The following TENM2 variants were observed in gnomAD, a reference collection of about 807,000 sequenced individuals.
The protein encoded by TENM2 is teneurin transmembrane protein 2, also known as teneurin-2.
In TENM2, 52 loss-of-function variants were observed where a neutral mutation model predicts 245.2. The observed-to-expected ratio is 0.21, with a 90% CI of 0.17 to 0.27. TENM2 has a LOEUF of 0.27. Among genes scored for constraint, TENM2 ranks in the 10% least tolerant of loss-of-function variants. The pLI is 1.00. For missense variants in TENM2, 3,046 were observed against 3,666.8 expected (o/e 0.83, Z 4.37); for synonymous variants, 1,363 against 1,438.9 (o/e 0.95, Z 1.19).
chr5:167,005,921 T>C, the TENM2 span, among the ~76,000 whole-genome samples: 3 of 151,822 alleles, frequency 2.0e-5, no homozygotes, highest in Non-Finnish European at 4.4e-5. Flanking sequence ...CGGCCTCCTA[T>C]AGTGCTGGGA....
chr5:167,499,009 C>G (rs760983858), intron 2 of TENM2, among the ~76,000 whole-genome samples: 10 of 152,042 alleles, frequency 6.6e-5, no homozygotes, highest in Admixed American at 5.9e-4. Context: ...CCAAAATATG[C>G]CATAGCTACT....
chr5:167,002,238 C>A, the TENM2 span, among the ~76,000 whole-genome samples: 1 of 152,078 alleles, frequency 6.6e-6, no homozygotes, highest in Non-Finnish European at 1.5e-5. Flanking sequence ...ACTTGAAAAA[C>A]CATCTATAAA....
At chr5:167,972,500 A>G (rs1249185589) in intron 4 of TENM2, among the ~76,000 whole-genome samples, 1 of 152,194 alleles carries the variant, frequency 6.6e-6, no homozygotes, top group Non-Finnish European at 1.5e-5. Flanking sequence ...TTTTGCTATT[A>G]AAAACAAATC....
chr5:168,051,120 C>T (rs918527), intron 6 of TENM2, among the ~76,000 whole-genome samples: 48,802 of 152,022 alleles, frequency 0.32, 8,815 homozygotes, highest in African/African-American at 0.48. Context: ...CCAGGGAAAG[C>T]ATACAAGAGA....
intron 2 of TENM2, among the ~76,000 whole-genome samples, chr5:167,783,266 CCCA>C (rs1764330334): frequency 6.6e-6 from 1 of 151,326 alleles, no homozygotes. Flanking sequence ...CCGGGTTCAG[CCCA>C]CCTAGCAAGT....
intron 5 of TENM2, among the ~76,000 whole-genome samples, chr5:168,042,881 C>T (rs896946744): frequency 6.6e-6 from 1 of 152,154 alleles, no homozygotes; most frequent in Non-Finnish European, 1.5e-5. Flanking sequence ...GCTGGCTTCC[C>T]AGCTGCCACC....
chr5:167,475,790 C>A (rs1442349453), intron 2 of TENM2, among the ~76,000 whole-genome samples: 2 of 152,086 alleles, frequency 1.3e-5, no homozygotes, highest in Non-Finnish European at 2.9e-5. Flanking sequence ...AGGATGATGA[C>A]TTCCAGCTTC....
intron 5 of TENM2, among the ~76,000 whole-genome samples, chr5:168,009,998 C>G (rs181743931): frequency 1.3e-5 from 2 of 152,304 alleles, no homozygotes; most frequent in East Asian, 3.9e-4. Context: ...GAGGCAATAC[C>G]GTGATACTGT....
At chr5:167,437,268 T>C (rs2127453642) in intron 2 of TENM2, among the ~76,000 whole-genome samples, 1 of 152,234 alleles carries the variant, frequency 6.6e-6, no homozygotes, top group Admixed American at 6.5e-5. Flanking sequence ...TCAAAGGAGA[T>C]CATTTTGGAG....
chr5:167,630,944 C>G (rs749331665), intron 2 of TENM2, among the ~76,000 whole-genome samples: 9 of 152,148 alleles, frequency 5.9e-5, no homozygotes, highest in Non-Finnish European at 1.3e-4. Context: ...CTCATGTACC[C>G]AACCGGGTTT....
intron 2 of TENM2, among the ~76,000 whole-genome samples, chr5:167,478,509 T>C (rs1282081933): frequency 6.6e-6 from 1 of 152,218 alleles, no homozygotes; most frequent in Non-Finnish European, 1.5e-5. Context: ...CATTAACATA[T>C]GATAACTGGA....
At chr5:167,729,250 GC>G (rs1398512337) in intron 2 of TENM2, 1 of 152,104 alleles carries the variant, frequency 6.6e-6, no homozygotes. Context: ...CTACTTTCAA[GC>G]CCTTAACTCT....
intron 2 of TENM2, among the ~76,000 whole-genome samples, chr5:167,608,664 T>C (rs990406356): frequency 6.6e-6 from 1 of 152,188 alleles, no homozygotes; most frequent in African/African-American, 2.4e-5. Flanking sequence ...CAGTTGTTAG[T>C]AAGAGCGCTA....
At chr5:167,071,063 G>C in the TENM2 span, among the ~76,000 whole-genome samples, 1 of 152,092 alleles carries the variant, frequency 6.6e-6, no homozygotes, top group African/African-American at 2.4e-5. Flanking sequence ...ACTTGTCCAA[G>C]GCTTCACAGT....
intron 2 of TENM2, among the ~76,000 whole-genome samples, chr5:167,519,469 T>C (rs888957169): frequency 7.9e-5 from 12 of 152,160 alleles, no homozygotes; most frequent in African/African-American, 2.9e-4. Flanking sequence ...ATTAAACTAA[T>C]GGCATTGGTG....
chr5:167,231,935 C>T, the TENM2 span, among the ~76,000 whole-genome samples: 1 of 152,194 alleles, frequency 6.6e-6, no homozygotes, highest in Non-Finnish European at 1.5e-5. Context: ...TGCATGCCAG[C>T]TGTGGCTTAA....
At position 167,514,813 on chromosome 5, in the gene TENM2, C is replaced by A. The variant is rs145966549; in HGVS notation, c.502+139340C>A. Among the ~76,000 whole-genome samples, 438 of 152,206 alleles carry A rather than the reference C, an allele frequency of 2.9e-3. 1 individual carries two copies. Among genetic ancestry groups the A allele is most frequent in the Non-Finnish European group, 4.8e-3 (328 of 68,008 alleles). On this transcript the variant is annotated intron_variant, in intron 2 of 28. Coordinates refer to ENST00000518659, the Ensembl canonical transcript of TENM2. The stretch of plus-strand genomic sequence containing the variant: ...ATCACCTGAGGTCAGGAGTTCGAGA[C>A]CAGCCTGACCAACATGGTGAAACCC...
At chr5:167,711,932 C>A (rs1193921678) in intron 2 of TENM2, among the ~76,000 whole-genome samples, 1 of 152,178 alleles carries the variant, frequency 6.6e-6, no homozygotes, top group Non-Finnish European at 1.5e-5. Flanking sequence ...CAATTGTGTG[C>A]AAATTATTTT....
At chr5:167,148,228 C>G in the TENM2 span, among the ~76,000 whole-genome samples, 1 of 152,178 alleles carries the variant, frequency 6.6e-6, no homozygotes, top group Non-Finnish European at 1.5e-5. Flanking sequence ...CTTTTGTTCT[C>G]CTTGTGTATG....
Sources: allele counts gnomAD v4.1 joint callset (sites outside exome capture counted in the v4.1 genomes callset), GRCh38; gene constraint gnomAD v4.1.1; transcripts MANE v1.5; gene names NCBI Gene and HGNC (gene_info 2026-07-23, HGNC 2026-07-21).